GCNT1: variants seen among roughly 807,000 people sequenced by gnomAD.
The protein encoded by GCNT1 is glucosaminyl (N-acetyl) transferase 1, also known as beta-1,3-galactosyl-O-glycosyl-glycoprotein beta-1,6-N-acetylglucosaminyltransferase.
A neutral mutation model predicts 26.2 loss-of-function variants in GCNT1; 16 were observed. The observed-to-expected ratio is 0.61, with a 90% CI of 0.41 to 0.93. GCNT1 has a LOEUF of 0.93. Among genes scored for constraint, GCNT1 ranks in the 40% least tolerant of loss-of-function variants. The pLI, the probability that GCNT1 is intolerant of heterozygous loss-of-function variation, is 0.00. For synonymous variants in GCNT1, 183 were observed against 190.8 expected (o/e 0.96, Z 0.34); for missense variants, 477 against 526.7 (o/e 0.91, Z 0.92).
rs1416719096 is a variant in GCNT1, at chr9:76,430,687, G to A, written n.38+10800G>A. 2.0e-5 allele frequency among the ~76,000 whole-genome samples: 3 copies of A among 151,128 alleles called. No homozygotes were observed. In the East Asian group the frequency reaches 5.9e-4, roughly 30 times the overall value. ...AAGAATGAGCCACTGCACCTGGTTA[G>A]TCCTCTTTTTTTTTGAGACCAAGTC... On this transcript the variant is annotated intron_variant and non_coding_transcript_variant, in intron 1 of 3. Coordinates refer to the GCNT1 transcript ENST00000488136.
chr9:76,432,695 AG>A (rs1272203127), intron 1 of GCNT1, among the ~76,000 whole-genome samples: 1 of 152,174 alleles, frequency 6.6e-6, no homozygotes, highest in Non-Finnish European at 1.5e-5. Context: ...TCAAATGACT[AG>A]GCAGATGGGG....
At chr9:76,432,985 A>G (rs1823357566) in intron 1 of GCNT1, among the ~76,000 whole-genome samples, 1 of 152,096 alleles carries the variant, frequency 6.6e-6, no homozygotes, top group African/African-American at 2.4e-5. Context: ...TGAGCCCACA[A>G]AAGCCCCATA....
chr9:76,452,540 T>C (rs1272235371), intron 1 of GCNT1, among the ~76,000 whole-genome samples: 1 of 152,044 alleles, frequency 6.6e-6, no homozygotes, highest in African/African-American at 2.4e-5. Context: ...CTCAGGAAAC[T>C]TACAATCATG....
chr9:76,476,754 C>T (rs1824262581), intron 2 of GCNT1, among the ~76,000 whole-genome samples: 1 of 152,132 alleles, frequency 6.6e-6, no homozygotes, highest in Non-Finnish European at 1.5e-5. Context: ...ACACACTGGC[C>T]TTTTGGAGAA....
chr9:76,497,317 G>A (rs1237591255), intron 2 of GCNT1, among the ~76,000 whole-genome samples: 3 of 151,992 alleles, frequency 2.0e-5, no homozygotes, highest in African/African-American at 7.3e-5. Flanking sequence ...AAATCTCTTT[G>A]GCTATGAAAT....
chr9:76,438,236 G>A (rs373935412), upstream of GCNT1, among the ~76,000 whole-genome samples: 7 of 152,170 alleles, frequency 4.6e-5, no homozygotes, highest in Non-Finnish European at 7.3e-5. Context: ...TAATATTTAC[G>A]TGGGTTTGAT....
chr9:76,450,868 TA>T (rs1460608332), intron 1 of GCNT1, among the ~76,000 whole-genome samples: 4 of 152,256 alleles, frequency 2.6e-5, no homozygotes, highest in African/African-American at 9.6e-5. Flanking sequence ...CACTTTAATG[TA>T]TTAACTATAT....
In GCNT1 at chr9:76,504,556, AAGAC is replaced by A. The variant is rs1171122513; in HGVS notation, c.*891_*894del. 2 of 400,332 alleles carry A rather than the reference AAGAC, an allele frequency of 5.0e-6. No homozygotes were observed. Among genetic ancestry groups the A allele is most frequent in the Non-Finnish European group, 9.2e-6 (2 of 218,244 alleles). 24.8% of individuals were successfully genotyped at this position (400,332 alleles called of 1,614,324 possible). A position where few individuals can be genotyped will look rare whatever the true frequency, so the allele number is the denominator to read the frequency against. ...CTGCCAGTAATTAGTGCAGAAAACTAAGACAGGATGATACAGGTTTGAGGGGCTG... is the reference window on the plus strand; with the variant it reads ...CTGCCAGTAATTAGTGCAGAAAACTAAGGATGATACAGGTTTGAGGGGCTG... On this transcript the variant is annotated 3_prime_UTR_variant, in exon 4 of 4. Coordinates refer to ENST00000376730, the MANE Select transcript of GCNT1 (RefSeq NM_001490.5).
At chr9:76,460,802 G>A (rs573334450) in intron 2 of GCNT1, among the ~76,000 whole-genome samples, 53 of 152,280 alleles carry the variant, frequency 3.5e-4, no homozygotes, top group African/African-American at 1.2e-3. Flanking sequence ...ATTTCATGAT[G>A]AGGGTTTGAC....
intron 2 of GCNT1, among the ~76,000 whole-genome samples, chr9:76,490,804 C>G (rs1312507450): frequency 6.6e-6 from 1 of 152,194 alleles, no homozygotes. Flanking sequence ...CCCATTGTGT[C>G]TTTTCCTGTT....
chr9:76,499,528 ACTTTT>A (rs1461208917), intron 2 of GCNT1, among the ~76,000 whole-genome samples: 1 of 152,208 alleles, frequency 6.6e-6, no homozygotes, highest in African/African-American at 2.4e-5. Context: ...TTGTATAATC[ACTTTT>A]CTTTAACATT....
rs896984878 is a variant in GCNT1 at position 76,449,426 on chromosome 9, C to A, written c.-290+7111C>A. Among the ~76,000 whole-genome samples, 9 of 152,330 alleles carry A rather than the reference C, an allele frequency of 5.9e-5. No homozygotes were observed. The East Asian group carries it at 1.7e-3, about 29-fold the overall frequency. ...TTTTGAGCTAAAGGCAACTGAGAAACAGCAGACACAAGCAAAACTCTTTGC... is the reference window on the plus strand; with the variant it reads ...TTTTGAGCTAAAGGCAACTGAGAAAAAGCAGACACAAGCAAAACTCTTTGC... On this transcript the variant is annotated intron_variant, in intron 1 of 2. Transcript: ENST00000442371.
At chr9:76,492,941 C>T (rs1824788309) in intron 2 of GCNT1, among the ~76,000 whole-genome samples, 1 of 151,964 alleles carries the variant, frequency 6.6e-6, no homozygotes, top group Non-Finnish European at 1.5e-5. Flanking sequence ...TGTTCAGGGC[C>T]CAGGACTCAC....
chr9:76,460,358 C>A (rs975425761), intron 2 of GCNT1, among the ~76,000 whole-genome samples, 181 bp downstream of exon 2: 2 of 152,188 alleles, frequency 1.3e-5, no homozygotes, highest in African/African-American at 4.8e-5. Flanking sequence ...GATGAGAATG[C>A]GGCCACAGCT....
chr9:76,493,636 C>T (rs1587452653), intron 2 of GCNT1, among the ~76,000 whole-genome samples: 2 of 152,036 alleles, frequency 1.3e-5, no homozygotes, highest in Non-Finnish European at 2.9e-5. Context: ...TGCTTGTTTC[C>T]TTCTGGGCGG....
upstream of GCNT1, among the ~76,000 whole-genome samples, chr9:76,418,220 A>G (rs1364937921): frequency 6.6e-6 from 1 of 152,208 alleles, no homozygotes; most frequent in African/African-American, 2.4e-5. Flanking sequence ...ACTACTATCA[A>G]TAGAAAGGAA....
At chr9:76,451,947 TC>T (rs1396996647) in intron 1 of GCNT1, among the ~76,000 whole-genome samples, 4 of 99,328 alleles carry the variant, frequency 4.0e-5, no homozygotes, top group African/African-American at 9.0e-5. Flanking sequence ...TTTCTTTCTT[TC>T]TTTTTTTTTT....
intron 1 of GCNT1, among the ~76,000 whole-genome samples, chr9:76,420,883 G>T (rs1025141371): frequency 6.8e-6 from 1 of 146,728 alleles, no homozygotes; most frequent in African/African-American, 2.5e-5. Context: ...AGATTGCAGT[G>T]AGCTAAAATC....
chr9:76,427,569 C>T (rs1823274374), intron 1 of GCNT1, among the ~76,000 whole-genome samples: 1 of 152,118 alleles, frequency 6.6e-6, no homozygotes, highest in African/African-American at 2.4e-5. Context: ...AAAGTGAATA[C>T]ACTTTGACAT....
Sources: allele counts gnomAD v4.1 joint callset (sites outside exome capture counted in the v4.1 genomes callset), GRCh38; gene constraint gnomAD v4.1.1; transcripts MANE v1.5; gene names NCBI Gene and HGNC (gene_info 2026-07-23, HGNC 2026-07-21).